The following EPS15 variants were observed in gnomAD, a reference collection of about 807,000 sequenced individuals.
The protein encoded by EPS15 is epidermal growth factor receptor pathway substrate 15, also known as epidermal growth factor receptor substrate 15.
Under a neutral mutation model 113.8 loss-of-function variants are expected in EPS15, and 72 were observed. That is an observed-to-expected ratio of 0.63 (90% CI 0.52 to 0.77). EPS15 has a LOEUF of 0.77. Among genes scored for constraint, EPS15 ranks in the 30% least tolerant of loss-of-function variants. The probability of loss-of-function intolerance (pLI) is 0.00; values close to 1 mark genes in which losing one functional copy is unlikely to be tolerated. For missense variants in EPS15, 1,048 were observed against 1,045.8 expected (o/e 1.00, Z -0.03); for synonymous variants, 344 against 363.4 (o/e 0.95, Z 0.61).
At chr1:51,395,000 C>G (rs1407957521) in intron 20 of EPS15, among the ~76,000 whole-genome samples, 1 of 152,030 alleles carries the variant, frequency 6.6e-6, no homozygotes, top group Non-Finnish European at 1.5e-5. Context: ...TCCTGAATAG[C>G]TGGGACCGCA....
chr1:51,476,695 T>C (rs76037840), intron 2 of EPS15, among the ~76,000 whole-genome samples: 1 of 151,992 alleles, frequency 6.6e-6, no homozygotes. Context: ...GTCTCTATTT[T>C]CTTCAGTTCT....
intron 12 of EPS15, among the ~76,000 whole-genome samples, chr1:51,434,597 A>G (rs1239184431): frequency 2.0e-5 from 3 of 152,138 alleles, no homozygotes; most frequent in African/African-American, 7.2e-5. Flanking sequence ...TTTAATGGGT[A>G]TGGGGTTTCA....
intron 12 of EPS15, among the ~76,000 whole-genome samples, chr1:51,438,373 T>A (rs1172538827): frequency 1.3e-5 from 2 of 152,202 alleles, no homozygotes; most frequent in Non-Finnish European, 2.9e-5. Context: ...CTGGTACAAC[T>A]TAACATTATA....
Position 51,461,090 on chromosome 1 carries a change from C to G in EPS15, c.561+1G>C. On this transcript the variant is annotated splice_donor_variant, in intron 8 of 24. Transcript: ENST00000371733. LOFTEE classifies it high-confidence loss of function. ...GATGTTAAGAACATTAGATTACTTA[C>G]AACTGCAAACTCATCTCTGTCAAGC... 1 of 1,581,874 alleles carries G rather than the reference C, an allele frequency of 6.3e-7. No individual in the cohort carries two copies. Among genetic ancestry groups the G allele is most frequent in the Non-Finnish European group, 8.7e-7 (1 of 1,150,764 alleles).
intron 8 of EPS15, 129 bp downstream of exon 8, chr1:51,460,959 GAAA>G: frequency 2.5e-5 from 12 of 475,436 alleles, no homozygotes; most frequent in Admixed American, 4.1e-5. Flanking sequence ...GTCTCAAAAA[GAAA>G]AAAAAAAAAA....
At chr1:51,461,259 G>A (rs901223328) in intron 7 of EPS15, 109 bp from the exon 8 acceptor site, 12 of 760,354 alleles carry the variant, frequency 1.6e-5, no homozygotes, top group Middle Eastern at 2.5e-4. Flanking sequence ...ATGCCCATAT[G>A]GCCTCCCAGC....
intron 8 of EPS15, chr1:51,457,675 A>G (rs1190804118): frequency 2.0e-5 from 3 of 152,138 alleles, no homozygotes; most frequent in Non-Finnish European, 4.4e-5. Context: ...GCATGAAACA[A>G]AAGTTTTGAC....
chr1:51,446,054 C>A (rs1044186468), intron 10 of EPS15, among the ~76,000 whole-genome samples: 3 of 152,242 alleles, frequency 2.0e-5, no homozygotes, highest in Admixed American at 2.0e-4. Context: ...GATCTACTTA[C>A]TGTCTGCCTC....
At chr1:51,452,207 G>A (rs1257498453) in intron 8 of EPS15, among the ~76,000 whole-genome samples, 2 of 151,882 alleles carry the variant, frequency 1.3e-5, no homozygotes, top group Non-Finnish European at 2.9e-5. Flanking sequence ...TTTTCTTCCA[G>A]AGAAAATTTG....
rs191463185 is a variant in EPS15, at chr1:51,457,201, G to A, written c.561+3890C>T. 8.9e-4 allele frequency among the ~76,000 whole-genome samples: 136 copies of A among 152,122 alleles called. 1 individual carries two copies. The highest frequency in any genetic ancestry group is 3.2e-3 in the African/African-American group (132 of 41,512). On this transcript the variant is annotated intron_variant, in intron 8 of 24. Transcript: ENST00000371733. The stretch of plus-strand genomic sequence containing the variant: ...ACTCAGGAGGCTGAGGCAGGAGAAT[G>A]GCGTGAACCCAGGAGGCGGAGCTTG...
chr1:51,364,630 G>A (rs1314728618), intron 22 of EPS15, among the ~76,000 whole-genome samples: 1 of 151,860 alleles, frequency 6.6e-6, no homozygotes. Flanking sequence ...GAATAGCTAG[G>A]ACTACAGGTG....
In EPS15 at chr1:51,354,889, A is replaced by G. The variant is rs553018578; in HGVS notation, c.*1811T>C. 9.9e-6 allele frequency: 2 copies of G among 203,030 alleles called. No individual in the cohort carries two copies. The highest frequency in any genetic ancestry group is 3.8e-4 in the South Asian group (2 of 5,258). 12.6% of individuals were successfully genotyped at this position (203,030 alleles called of 1,614,324 possible). On this transcript the variant is annotated 3_prime_UTR_variant, in exon 25 of 25. Coordinates refer to ENST00000371733, the MANE Select transcript of EPS15 (RefSeq NM_001981.3). Reference sequence around the variant, plus strand: ...GTTTAATTGAAAATTTTTTTGAAGCATTTAAACATTTGCTTATTTTCCCAG... The same window carrying G: ...GTTTAATTGAAAATTTTTTTGAAGCGTTTAAACATTTGCTTATTTTCCCAG...
intron 21 of EPS15, among the ~76,000 whole-genome samples, chr1:51,383,283 C>A (rs769678855): frequency 6.6e-6 from 1 of 152,216 alleles, no homozygotes; most frequent in Non-Finnish European, 1.5e-5. Flanking sequence ...CACATTCAAT[C>A]TTGAGAGGCT....
chr1:51,482,785 G>T (rs1444357840), intron 1 of EPS15, among the ~76,000 whole-genome samples: 1 of 151,986 alleles, frequency 6.6e-6, no homozygotes, highest in African/African-American at 2.4e-5. Context: ...AATTTTAATG[G>T]TCTGGTTGAG....
intron 1 of EPS15, among the ~76,000 whole-genome samples, chr1:51,493,316 G>A (rs1417940995): frequency 4.6e-5 from 7 of 150,910 alleles, no homozygotes; most frequent in East Asian, 2.0e-4. Context: ...AGCCAAGATC[G>A]CGCCACTGCA....
chr1:51,487,818 T>C (rs2148531932), intron 1 of EPS15, among the ~76,000 whole-genome samples: 1 of 152,294 alleles, frequency 6.6e-6, no homozygotes, highest in Non-Finnish European at 1.5e-5. Context: ...TAAGTGAGAA[T>C]GGAAAAAGCC....
intron 1 of EPS15, among the ~76,000 whole-genome samples, chr1:51,510,811 C>T (rs1447143821): frequency 6.6e-6 from 1 of 152,128 alleles, no homozygotes; most frequent in African/African-American, 2.4e-5. Flanking sequence ...TGAAGATAAA[C>T]TCTTTCCCCT....
At chr1:51,376,744 A>G (rs1646809769) in intron 21 of EPS15, among the ~76,000 whole-genome samples, 1 of 152,244 alleles carries the variant, frequency 6.6e-6, no homozygotes, top group Non-Finnish European at 1.5e-5. Context: ...ATGAAGATGT[A>G]TAAGGAGATG....
intron 19 of EPS15, 60 bp downstream of exon 19, chr1:51,400,858 T>C (rs771959254): frequency 3.5e-5 from 40 of 1,155,826 alleles, no homozygotes; most frequent in Non-Finnish European, 4.7e-5. Flanking sequence ...CTAAATAACA[T>C]AAGCTTATTA....
Sources: gnomAD v4.1 joint callset for allele counts (sites outside exome capture counted in the v4.1 genomes callset) on GRCh38, gnomAD v4.1.1 for gene constraint, MANE v1.5 for transcripts, NCBI Gene and HGNC (gene_info 2026-07-23, HGNC 2026-07-21) for gene names.